The following PDE10A variants were observed in gnomAD, a reference collection of about 807,000 sequenced individuals.
PDE10A encodes phosphodiesterase 10A.
In PDE10A, 39 loss-of-function variants were observed where a neutral mutation model predicts 97.7. The observed-to-expected ratio is 0.40, with a 90% CI of 0.31 to 0.52. PDE10A has a LOEUF of 0.52. Ranked by LOEUF, PDE10A falls within the 20% of genes least tolerant of loss-of-function variation. The pLI is 0.56. For synonymous variants in PDE10A, 371 were observed against 376.8 expected (o/e 0.98, Z 0.18); for missense variants, 731 against 1,047.8 (o/e 0.70, Z 4.17).
chr6:165,595,130 C>T (rs1786509565), intron 1 of PDE10A, among the ~76,000 whole-genome samples: 1 of 152,186 alleles, frequency 6.6e-6, no homozygotes, highest in Non-Finnish European at 1.5e-5. Context: ...AGGCCCAGGT[C>T]CAGCCATGTG....
At chr6:165,579,640 A>C (rs1785502361) in intron 1 of PDE10A, among the ~76,000 whole-genome samples, 1 of 152,174 alleles carries the variant, frequency 6.6e-6, no homozygotes, top group African/African-American at 2.4e-5. Context: ...ACCTGCATGC[A>C]TCTATAGTCT....
chr6:165,595,785 G>T (rs1259759665), intron 1 of PDE10A, among the ~76,000 whole-genome samples: 1 of 152,162 alleles, frequency 6.6e-6, no homozygotes, highest in East Asian at 1.9e-4. Flanking sequence ...CTATGTGTCT[G>T]CACATGGCTG....
Position 165,439,354 on chromosome 6 carries a change from G to A in PDE10A, c.1195-3977C>T, listed in dbSNP as rs148938797. Among the ~76,000 whole-genome samples the A allele has an allele frequency of 8.5e-5, 13 of 152,198 alleles. No individual in the cohort carries two copies. The East Asian group carries it at 2.5e-3, about 29-fold the overall frequency. The stretch of plus-strand genomic sequence containing the variant: ...TAATTAGGACAAGCATCTTTTAGAG[G>A]CTAGAGATAAAAACCACAACTAAAA... On this transcript the variant is annotated intron_variant, in intron 5 of 21. Transcript: ENST00000539869.
intron 1 of PDE10A, among the ~76,000 whole-genome samples, chr6:165,737,965 C>A (rs1325168818): frequency 1.3e-5 from 2 of 152,144 alleles, no homozygotes; most frequent in African/African-American, 4.8e-5. Context: ...GTAGCAGATA[C>A]AAAATCACCT....
chr6:165,786,871 A>G (rs1378515402), intron 1 of PDE10A, among the ~76,000 whole-genome samples: 1 of 152,216 alleles, frequency 6.6e-6, no homozygotes, highest in Non-Finnish European at 1.5e-5. Context: ...TGATTTTCTT[A>G]TTTAAAATTA....
intron 5 of PDE10A, 127 bp from the exon 6 acceptor site, chr6:165,435,504 A>G: frequency 1.3e-6 from 1 of 759,060 alleles, no homozygotes; most frequent in Non-Finnish European, 1.9e-6. Flanking sequence ...AAAATGAGGA[A>G]AGGTGCTTTG....
At chr6:165,461,537 C>T (rs1051060548) in intron 3 of PDE10A, among the ~76,000 whole-genome samples, 7 of 152,220 alleles carry the variant, frequency 4.6e-5, no homozygotes, top group African/African-American at 1.4e-4. Flanking sequence ...TCTGATTCTT[C>T]ATACATGGTT....
chr6:165,399,623 T>C (rs1435419751), intron 13 of PDE10A, among the ~76,000 whole-genome samples: 1 of 145,740 alleles, frequency 6.9e-6, no homozygotes, highest in African/African-American at 2.5e-5. Flanking sequence ...CCCCTTCCTG[T>C]GTCCATGTGT....
intron 3 of PDE10A, among the ~76,000 whole-genome samples, chr6:165,479,146 A>C (rs2128279018): frequency 6.6e-6 from 1 of 152,088 alleles, no homozygotes; most frequent in Admixed American, 6.5e-5. Flanking sequence ...TTTTTGGTTT[A>C]CCCTCCCATA....
At chr6:165,441,710 C>A (rs958008832) in intron 5 of PDE10A, among the ~76,000 whole-genome samples, 3 of 152,120 alleles carry the variant, frequency 2.0e-5, no homozygotes, top group African/African-American at 7.2e-5. Context: ...ATGAACAATG[C>A]GGGTACAGGA....
chr6:165,591,471 C>T (rs1306014052), intron 1 of PDE10A, among the ~76,000 whole-genome samples: 4 of 152,140 alleles, frequency 2.6e-5, no homozygotes, highest in Non-Finnish European at 5.9e-5. Context: ...CTGTCAGTCC[C>T]GGCTGCCATC....
intron 1 of PDE10A, among the ~76,000 whole-genome samples, chr6:165,808,480 G>A (rs1401519508): frequency 6.6e-6 from 1 of 152,198 alleles, no homozygotes; most frequent in Non-Finnish European, 1.5e-5. Flanking sequence ...CTCTAGAGAG[G>A]TCTTTTCCAT....
intron 1 of PDE10A, among the ~76,000 whole-genome samples, chr6:165,725,983 A>G (rs1287399548): frequency 3.9e-5 from 6 of 152,228 alleles, no homozygotes; most frequent in South Asian, 4.1e-4. Flanking sequence ...TTCAATTGGC[A>G]CTACCCATGT....
chr6:165,808,024 T>A (rs1263295118), intron 1 of PDE10A, among the ~76,000 whole-genome samples: 1 of 152,202 alleles, frequency 6.6e-6, no homozygotes, highest in Admixed American at 6.5e-5. Context: ...AGCCTTTCAG[T>A]GAAGGCACGG....
rs764843053 is a variant in PDE10A at position 165,433,087 on chromosome 6, G to A, written c.1378C>T (p.Arg460Cys). ...PRGTGLESGT[R>C]IQSVLCLPIV... Reference sequence around the variant, plus strand: ...GGTAAGCAAAGAACAGACTGGATACGAGTCCCTGATTCCAGTCCAGTACCT... The same window carrying A: ...GGTAAGCAAAGAACAGACTGGATACAAGTCCCTGATTCCAGTCCAGTACCT... Residue 460 changes from arginine (R) to cysteine (C), a missense_variant, in exon 7 of 22, where the codon CGT (arginine) becomes TGT (cysteine). Coordinates refer to ENST00000539869, the MANE Select transcript of PDE10A (RefSeq NM_001385079.1). The A allele has an allele frequency of 4.3e-6, 7 of 1,612,318 alleles. No individual in the cohort carries two copies. The highest frequency in any genetic ancestry group is 1.3e-5 in the African/African-American group (1 of 74,958).
chr6:165,745,209 T>C (rs980838033), intron 1 of PDE10A, among the ~76,000 whole-genome samples: 7 of 152,306 alleles, frequency 4.6e-5, no homozygotes, highest in African/African-American at 1.7e-4. Flanking sequence ...TTATGTGATG[T>C]GTCTGGAATT....
At chr6:165,722,398 T>C (rs1321275668) in intron 1 of PDE10A, among the ~76,000 whole-genome samples, 1 of 152,208 alleles carries the variant, frequency 6.6e-6, no homozygotes, top group Non-Finnish European at 1.5e-5. Context: ...CTTATCCACA[T>C]GGGATACATG....
intron 2 of PDE10A, among the ~76,000 whole-genome samples, chr6:165,542,632 T>TG (rs1331099925): frequency 3.6e-5 from 5 of 139,250 alleles, no homozygotes; most frequent in African/African-American, 1.4e-4. Context: ...TTTTTTTTTT[T>TG]TTTTTTGAGA....
intron 2 of PDE10A, among the ~76,000 whole-genome samples, chr6:165,508,227 C>A (rs1361426003): frequency 6.6e-6 from 1 of 152,056 alleles, no homozygotes. Flanking sequence ...TCCCTGCCAA[C>A]TGCCATCCCA....
Sources: gnomAD v4.1 joint callset for allele counts (sites outside exome capture counted in the v4.1 genomes callset) on GRCh38, gnomAD v4.1.1 for gene constraint, MANE v1.5 for transcripts, NCBI Gene and HGNC (gene_info 2026-07-23, HGNC 2026-07-21) for gene names.